NXPE3: variants seen among roughly 807,000 people sequenced by gnomAD.
NXPE3 encodes neurexophilin and PC-esterase domain family member 3.
In NXPE3, 26 loss-of-function variants were observed where a neutral mutation model predicts 46.1. That is an observed-to-expected ratio of 0.56 (90% confidence interval 0.41 to 0.78). NXPE3 has a LOEUF of 0.78. Ranked by LOEUF, NXPE3 falls within the 30% of genes least tolerant of loss-of-function variation. The pLI, the probability that NXPE3 is intolerant of heterozygous loss-of-function variation, is 0.00. For missense variants in NXPE3, 620 were observed against 686.0 expected, an observed-to-expected ratio of 0.90 and a Z score of 1.07; for synonymous variants, 272 against 257.9, an observed-to-expected ratio of 1.05 and a Z score of -0.52.
At position 101,827,891 on chromosome 3, in the gene NXPE3, A is replaced by G. The variant is rs1471997742; in HGVS notation, c.*5937A>G. ...GAAAGAGAGGATGACCGTATTCTGCATTTTAGAAAACAGGCTCTTAGCTTC... is the reference window on the plus strand; with the variant it reads ...GAAAGAGAGGATGACCGTATTCTGCGTTTTAGAAAACAGGCTCTTAGCTTC... On this transcript the variant is annotated 3_prime_UTR_variant, in exon 8 of 8. Coordinates refer to ENST00000273347, the MANE Select transcript of NXPE3 (RefSeq NM_145037.4). 1 of 152,448 alleles carries G rather than the reference A, an allele frequency of 6.6e-6. No individual in the cohort carries two copies. Among genetic ancestry groups the G allele is most frequent in the East Asian group, 1.9e-4 (1 of 5,204 alleles). 9.4% of individuals were successfully genotyped at this position (152,448 alleles called of 1,614,324 possible).
chr3:101,812,879 A>G (rs1444004309), intron 6 of NXPE3, among the ~76,000 whole-genome samples: 2 of 151,096 alleles, frequency 1.3e-5, no homozygotes, highest in Admixed American at 6.6e-5. Context: ...GTCCCATTCA[A>G]CAGTCTATGA....
At chr3:101,808,714 A>T (rs1941542192) in intron 6 of NXPE3, among the ~76,000 whole-genome samples, 1 of 150,812 alleles carries the variant, frequency 6.6e-6, no homozygotes, top group East Asian at 1.9e-4. Context: ...CTGCCAGTTT[A>T]TATCTCTTGT....
At chr3:101,821,046 A>C (rs1405753929) in intron 7 of NXPE3, among the ~76,000 whole-genome samples, 1 of 152,222 alleles carries the variant, frequency 6.6e-6, no homozygotes, top group Non-Finnish European at 1.5e-5. Context: ...ACATAGATAA[A>C]AAAGATTGCA....
intron 6 of NXPE3, 151 bp downstream of exon 6, chr3:101,807,277 C>A: frequency 1.6e-6 from 1 of 621,144 alleles, no homozygotes; most frequent in Non-Finnish European, 2.9e-6. Context: ...TTAAAAAAAT[C>A]AGATCTTATG....
chr3:101,825,740 T>G lies in NXPE3; in HGVS notation c.*3786T>G, dbSNP rs1436170733. On this transcript the variant is annotated 3_prime_UTR_variant, in exon 8 of 8. Coordinates refer to ENST00000273347, the MANE Select transcript of NXPE3 (RefSeq NM_145037.4). ...TATTAGATAAGTTGGTCATTATAGT[T>G]GGACATTTAGGTTTACAATATTAAA... 2 of 152,210 alleles carry G rather than the reference T, an allele frequency of 1.3e-5. No homozygotes were observed. The highest frequency in any genetic ancestry group is 4.8e-5 in the African/African-American group (2 of 41,460). The allele number at this position is 152,210 out of a possible 1,614,324, so 9.4% of individuals were successfully genotyped here.
chr3:101,801,578 C>T lies in NXPE3; in HGVS notation c.437C>T (p.Ala146Val). 6.2e-7 allele frequency: 1 copy of T among 1,614,166 alleles called. No homozygotes were observed. Among genetic ancestry groups the T allele is most frequent in the South Asian group, 1.1e-5 (1 of 91,084 alleles). Residue 146 changes from alanine to valine, a missense_variant, in exon 5 of 8, where the codon GCC (alanine) becomes GTC (valine). Physicochemically the swap from Ala to Val is moderately conservative, Grantham distance 64. Coordinates refer to ENST00000273347, the MANE Select transcript of NXPE3 (RefSeq NM_145037.4). Reference sequence around the variant, plus strand: ...AAGTATGGTGGAGACTACCTGCAGGCCAGAATTCACTCCCTCAAGCTGCAG... The same window carrying T: ...AAGTATGGTGGAGACTACCTGCAGGTCAGAATTCACTCCCTCAAGCTGCAG... Reference protein sequence around the residue: ...PKKYGGDYLQARIHSLKLQAG... With the variant: ...PKKYGGDYLQVRIHSLKLQAG...
chr3:101,820,182 A>C (rs1220075307), intron 7 of NXPE3, among the ~76,000 whole-genome samples: 1 of 152,260 alleles, frequency 6.6e-6, no homozygotes, highest in Admixed American at 6.5e-5. Context: ...AATAAAATGT[A>C]AATGCCAATT....
chr3:101,814,409 G>T, intron 6 of NXPE3, among the ~76,000 whole-genome samples: 1 of 152,190 alleles, frequency 6.6e-6, no homozygotes, highest in East Asian at 1.9e-4. Flanking sequence ...GCCAAATAAA[G>T]CTTTTAAAAT....
At chr3:101,791,584 C>T (rs1576736452) in intron 4 of NXPE3, among the ~76,000 whole-genome samples, 1 of 152,142 alleles carries the variant, frequency 6.6e-6, no homozygotes, top group Admixed American at 6.5e-5. Context: ...CATGGTTTCA[C>T]TATATTGGCC....
intron 4 of NXPE3, among the ~76,000 whole-genome samples, chr3:101,786,352 T>C (rs1194665095): frequency 6.6e-6 from 1 of 152,240 alleles, no homozygotes; most frequent in African/African-American, 2.4e-5. Flanking sequence ...AACTTAATTA[T>C]GGCATTTCTT....
At position 101,816,855 on chromosome 3, in the gene NXPE3, A is replaced by G. The variant is rs774644213; in HGVS notation, c.983A>G (p.Lys328Arg). ...SGTFPSGYYY[K>R]DQWRPRKFKM... is the part of the protein sequence containing the mutation. ...ACTTTTCCTTCTGGGTATTATTATA[A>G]AGACCAGTGGAGGCCCAGAAAGTTT... Residue 328 changes from lysine (K) to arginine (R), a missense_variant, in exon 7 of 8, where the codon AAA becomes AGA. Physicochemically the swap from Lys to Arg is conservative, Grantham distance 26. This residue lies in a region of NXPE3 where 511 missense variants were observed against 528.6 expected (regional missense o/e 0.97). Coordinates refer to ENST00000273347, the MANE Select transcript of NXPE3 (RefSeq NM_145037.4). The G allele has an allele frequency of 1.2e-6, 2 of 1,614,156 alleles. No homozygotes were observed. The highest frequency in any genetic ancestry group is 1.7e-6 in the Non-Finnish European group (2 of 1,179,994).
At chr3:101,808,299 C>T (rs1941520715) in intron 6 of NXPE3, among the ~76,000 whole-genome samples, 2 of 152,278 alleles carry the variant, frequency 1.3e-5, no homozygotes, top group South Asian at 4.1e-4. Context: ...GAGGCTTATG[C>T]AGATGGCGGG....
Position 101,785,692 on chromosome 3 carries a change from G to T in NXPE3, c.93+3G>T. On this transcript the variant is annotated splice_donor_region_variant and intron_variant, in intron 4 of 7. Transcript: ENST00000273347. ...TCATCAATGTTACTCAGGTAGAGGT[G>T]AGTACCCAGTATAATCCCTCATAAC... is the stretch of plus-strand genomic sequence containing the variant. 1 of 1,612,172 alleles carries T rather than the reference G, an allele frequency of 6.2e-7. No homozygotes were observed. Among genetic ancestry groups the T allele is most frequent in the Non-Finnish European group, 8.5e-7 (1 of 1,178,316 alleles).
At chr3:101,803,753 C>T (rs762473455) in intron 5 of NXPE3, among the ~76,000 whole-genome samples, 13 of 152,054 alleles carry the variant, frequency 8.5e-5, no homozygotes, top group African/African-American at 1.7e-4. Flanking sequence ...CCGAGTAGTT[C>T]GGACTACAGG....
chr3:101,813,538 C>T (rs1941821680), intron 6 of NXPE3, among the ~76,000 whole-genome samples: 1 of 152,158 alleles, frequency 6.6e-6, no homozygotes, highest in Admixed American at 6.5e-5. Flanking sequence ...AAACCATGGG[C>T]TTTAAAGAGA....
At chr3:101,786,351 A>G (rs903999174) in intron 4 of NXPE3, among the ~76,000 whole-genome samples, 2 of 152,150 alleles carry the variant, frequency 1.3e-5, no homozygotes, top group African/African-American at 4.8e-5. Flanking sequence ...CAACTTAATT[A>G]TGGCATTTCT....
At chr3:101,812,417 A>G (rs1433492919) in intron 6 of NXPE3, among the ~76,000 whole-genome samples, 1 of 152,054 alleles carries the variant, frequency 6.6e-6, no homozygotes, top group African/African-American at 2.4e-5. Flanking sequence ...TATCAGCAAA[A>G]TGTATTTCTT....
chr3:101,819,322 T>A (rs540899472), intron 7 of NXPE3, among the ~76,000 whole-genome samples: 1 of 152,062 alleles, frequency 6.6e-6, no homozygotes, highest in South Asian at 2.1e-4. Context: ...TTATACAGAG[T>A]TTTTTAGGAA....
intron 1 of NXPE3, among the ~76,000 whole-genome samples, chr3:101,780,499 C>T (rs1396531736): frequency 6.6e-6 from 1 of 152,138 alleles, no homozygotes; most frequent in African/African-American, 2.4e-5. Flanking sequence ...AAACGAATAA[C>T]AGTCCCTGGC....
Sources: gnomAD v4.1 joint callset for allele counts (sites outside exome capture counted in the v4.1 genomes callset) on GRCh38, gnomAD v4.1.1 for gene constraint, gnomAD v4.1.1 regional missense constraint, MANE v1.5 for transcripts, NCBI Gene and HGNC (gene_info 2026-07-23, HGNC 2026-07-21) for gene names.